The following TAF1B variants were observed in gnomAD, a reference collection of about 807,000 sequenced individuals.
TAF1B encodes TATA-box binding protein associated factor, RNA polymerase I subunit B, also known as TATA box-binding protein-associated factor RNA polymerase I subunit B.
TAF1B carries 61 observed loss-of-function variants against 83.9 expected under a neutral mutation model. That is an observed-to-expected ratio of 0.73 (90% CI 0.59 to 0.90). The LOEUF (loss-of-function observed/expected upper bound fraction) is 0.90, where lower values mean the gene tolerates loss of function less well. TAF1B is among the 40% of genes least tolerant of loss of function. The probability of loss-of-function intolerance (pLI) is 0.00; values close to 1 mark genes in which losing one functional copy is unlikely to be tolerated. For missense variants in TAF1B, 625 were observed against 677.0 expected, an observed-to-expected ratio of 0.92 and a Z score of 0.85; for synonymous variants, 221 against 224.6, an observed-to-expected ratio of 0.98 and a Z score of 0.14.
At chr2:9,925,817 T>C (rs1463401565) in intron 14 of TAF1B, among the ~76,000 whole-genome samples, 2 of 152,062 alleles carry the variant, frequency 1.3e-5, no homozygotes, top group Non-Finnish European at 2.9e-5. Flanking sequence ...CCTCGTGATC[T>C]GCCCGCCTCG....
chr2:9,902,746 T>C (rs552539327), intron 8 of TAF1B, among the ~76,000 whole-genome samples: 1 of 152,348 alleles, frequency 6.6e-6, no homozygotes, highest in South Asian at 2.1e-4. Flanking sequence ...GCATTTCTGC[T>C]GAGTATACAT....
chr2:9,853,620 A>G (rs1663468757), intron 4 of TAF1B, among the ~76,000 whole-genome samples: 1 of 152,050 alleles, frequency 6.6e-6, no homozygotes, highest in Non-Finnish European at 1.5e-5. Flanking sequence ...GGCATGTGCC[A>G]CCATACCTGG....
intron 2 of TAF1B, among the ~76,000 whole-genome samples, chr2:9,849,161 C>T (rs1028281195): frequency 2.0e-5 from 3 of 152,050 alleles, no homozygotes; most frequent in Non-Finnish European, 2.9e-5. Flanking sequence ...TACTGTATTC[C>T]AGGCACTGTT....
chr2:9,849,441 T>TAA lies in TAF1B; in HGVS notation c.196_197dup (p.Asn66LysfsTer27), dbSNP rs528368939. 9.2e-5 allele frequency: 113 copies of TAA among 1,226,378 alleles called. No homozygotes were observed. The highest frequency in any genetic ancestry group is 2.6e-4 in the Admixed American group (11 of 41,872). The allele number at this position is 1,226,378 out of a possible 1,614,324, so 76.0% of individuals were successfully genotyped here. A position where few individuals can be genotyped will look rare whatever the true frequency, so the allele number is the denominator to read the frequency against. On this transcript the variant is annotated frameshift_variant, in exon 3 of 15. Transcript: ENST00000263663. LOFTEE classifies it high-confidence loss of function. Reference sequence around the variant, plus strand: ...AAATAAAAGCCCTCAACCGGGGGCTTAAAAAAAAAAACAATACTGGTAAGT... The same window carrying TAA: ...AAATAAAAGCCCTCAACCGGGGGCTTAAAAAAAAAAAAACAATACTGGTAAGT...
chr2:9,850,857 G>GT (rs1239615807), intron 3 of TAF1B, among the ~76,000 whole-genome samples: 1 of 152,104 alleles, frequency 6.6e-6, no homozygotes, highest in Non-Finnish European at 1.5e-5. Context: ...AATAACCCAC[G>GT]TAAGATACCT....
intron 5 of TAF1B, among the ~76,000 whole-genome samples, chr2:9,862,305 C>T (rs1006097700): frequency 2.0e-5 from 3 of 152,170 alleles, no homozygotes; most frequent in African/African-American, 7.2e-5. Flanking sequence ...AATGCACAGT[C>T]CTCACTAGCT....
At position 9,911,546 on chromosome 2, in the gene TAF1B, A is replaced by G; in HGVS notation, c.1169A>G (p.Lys390Arg). Residue 390 changes from lysine to arginine, a missense_variant, in exon 11 of 15, where the codon AAG becomes AGG. Physicochemically the swap from Lys to Arg is conservative, Grantham distance 26 (BLOSUM62 2). Coordinates refer to ENST00000263663, the MANE Select transcript of TAF1B (RefSeq NM_005680.3). ...AATCTTGCTGAAAAGCATAATGAAA[A>G]GAACAAAAAAGGTATTTTAATTTTT... ...LSNLAEKHNE[K>R]NKKDKPWFDF... 1 of 1,522,012 alleles carries G rather than the reference A, an allele frequency of 6.6e-7. No homozygotes were observed. Among genetic ancestry groups the G allele is most frequent in the East Asian group, 2.3e-5 (1 of 43,074 alleles). 94.3% of individuals were successfully genotyped at this position (1,522,012 alleles called of 1,614,324 possible).
intron 8 of TAF1B, among the ~76,000 whole-genome samples, chr2:9,901,590 A>G (rs1478451583): frequency 6.6e-6 from 1 of 152,086 alleles, no homozygotes; most frequent in African/African-American, 2.4e-5. Context: ...TTACTGCTCT[A>G]GTGTTTTGTT....
At chr2:9,868,505 A>G (rs1010807862) in intron 6 of TAF1B, 76 bp downstream of exon 6, 7 of 1,548,736 alleles carry the variant, frequency 4.5e-6, no homozygotes, top group African/African-American at 4.1e-5. Flanking sequence ...TAATCTTCTG[A>G]TAATCCAAGG....
intron 6 of TAF1B, among the ~76,000 whole-genome samples, chr2:9,873,209 T>A (rs1664221261): frequency 6.6e-6 from 1 of 152,136 alleles, no homozygotes. Flanking sequence ...GGCAAGACTG[T>A]CCGCCTTCAG....
intron 8 of TAF1B, among the ~76,000 whole-genome samples, chr2:9,897,790 A>G (rs1338918349): frequency 6.6e-6 from 1 of 152,214 alleles, no homozygotes; most frequent in Admixed American, 6.5e-5. Flanking sequence ...TCTGTAGGCC[A>G]CATGTAATGC....
In TAF1B at chr2:9,883,387, C is replaced by T. The variant is rs577217127; in HGVS notation, c.807+582C>T. 9.8e-4 allele frequency among the ~76,000 whole-genome samples: 149 copies of T among 152,264 alleles called. 1 individual carries two copies. The highest frequency in any genetic ancestry group is 3.4e-3 in the African/African-American group (142 of 41,556). On this transcript the variant is annotated intron_variant, in intron 8 of 14. Transcript: ENST00000263663. ...GTACTAAATGTTAAAGATTTTCCTC[C>T]ATTCACCTACTTAAGGAATCATTTT...
At chr2:9,911,325 C>G (rs1441636183) in intron 10 of TAF1B, among the ~76,000 whole-genome samples, 186 bp from the exon 11 acceptor site, 1 of 152,190 alleles carries the variant, frequency 6.6e-6, no homozygotes, top group South Asian at 2.1e-4. Flanking sequence ...TGTCACCCCT[C>G]CCAGATGCCA....
In TAF1B at chr2:9,934,188, G is replaced by T. The variant is rs918875210; in HGVS notation, c.*204G>T. The T allele has an allele frequency of 8.4e-6, 4 of 474,922 alleles. No homozygotes were observed. Among genetic ancestry groups the T allele is most frequent in the Admixed American group, 3.6e-5 (1 of 27,506 alleles). The allele number at this position is 474,922 out of a possible 1,614,324, so 29.4% of individuals were successfully genotyped here. ...CATTTGATTTTATTTTTCAGAGTAT[G>T]AACATTCTAAGAGAAAGTTAAAACA... is the stretch of plus-strand genomic sequence containing the variant. On this transcript the variant is annotated 3_prime_UTR_variant, in exon 15 of 15. Transcript: ENST00000263663.
chr2:9,870,371 C>T (rs970601152), intron 6 of TAF1B, among the ~76,000 whole-genome samples: 3 of 152,070 alleles, frequency 2.0e-5, no homozygotes, highest in Non-Finnish European at 4.4e-5. Context: ...GCCTACAGTC[C>T]CAGCTACTCA....
intron 8 of TAF1B, among the ~76,000 whole-genome samples, chr2:9,884,616 G>T (rs1462409756): frequency 6.6e-6 from 1 of 152,228 alleles, no homozygotes; most frequent in Non-Finnish European, 1.5e-5. Context: ...GGAAGCTCCT[G>T]TCTGCAGGCA....
At chr2:9,890,925 C>T (rs1410614821) in intron 8 of TAF1B, among the ~76,000 whole-genome samples, 2 of 152,044 alleles carry the variant, frequency 1.3e-5, no homozygotes, top group Non-Finnish European at 2.9e-5. Context: ...CATGCGCCAC[C>T]AATCCTGGCT....
chr2:9,913,080 A>C, intron 11 of TAF1B, 79 bp from the exon 12 acceptor site: 2 of 1,222,204 alleles, frequency 1.6e-6, no homozygotes, highest in Non-Finnish European at 2.3e-6. Flanking sequence ...GCAGTCAATT[A>C]ATGAAAACTC....
intron 8 of TAF1B, among the ~76,000 whole-genome samples, chr2:9,884,336 C>G (rs191795488): frequency 6.6e-6 from 1 of 152,336 alleles, no homozygotes; most frequent in Non-Finnish European, 1.5e-5. Flanking sequence ...GCTCTTCTTT[C>G]CTTCTCTTTG....
Sources: gnomAD v4.1 joint callset for allele counts (sites outside exome capture counted in the v4.1 genomes callset) on GRCh38, gnomAD v4.1.1 for gene constraint, MANE v1.5 for transcripts, NCBI Gene and HGNC (gene_info 2026-07-23, HGNC 2026-07-21) for gene names.